The following ESRRG variants were observed in gnomAD, a reference collection of about 807,000 sequenced individuals.
ESRRG encodes the protein estrogen related receptor gamma.
A neutral mutation model predicts 44.0 loss-of-function variants in ESRRG; 13 were observed. The observed-to-expected ratio is 0.30, with a 90% confidence interval of 0.19 to 0.47. ESRRG has a LOEUF of 0.47. Ranked by LOEUF, ESRRG falls within the 20% of genes least tolerant of loss-of-function variation. The pLI is 1.00. For missense variants in ESRRG, 395 were observed against 580.6 expected (o/e 0.68, Z 3.29); for synonymous variants, 215 against 214.6 (o/e 1.00, Z -0.02).
At chr1:217,065,672 A>C (rs1336587513) in intron 1 of ESRRG, among the ~76,000 whole-genome samples, 4 of 152,230 alleles carry the variant, frequency 2.6e-5, no homozygotes, top group Non-Finnish European at 5.9e-5. Context: ...CCTGAAGACC[A>C]GTTCAGTCCC....
chr1:216,980,910 T>C (rs2073855745), intron 1 of ESRRG, among the ~76,000 whole-genome samples: 1 of 151,696 alleles, frequency 6.6e-6, no homozygotes, highest in African/African-American at 2.4e-5. Context: ...TTTCATATGC[T>C]CTTCTCTCAT....
At chr1:216,776,650 T>C (rs1389273839) in intron 2 of ESRRG, among the ~76,000 whole-genome samples, 1 of 152,148 alleles carries the variant, frequency 6.6e-6, no homozygotes, top group Non-Finnish European at 1.5e-5. Context: ...ATGGACAACA[T>C]TCCATAGAAC....
chr1:216,578,029 G>A (rs2062011292), intron 3 of ESRRG, among the ~76,000 whole-genome samples: 2 of 152,032 alleles, frequency 1.3e-5, no homozygotes, highest in South Asian at 4.1e-4. Flanking sequence ...AGATACCAAA[G>A]AGAGGCATGA....
At chr1:217,092,520 C>T (rs571260113), upstream of ESRRG, among the ~76,000 whole-genome samples, 3 of 152,240 alleles carry the variant, frequency 2.0e-5, no homozygotes, top group South Asian at 2.1e-4. Flanking sequence ...CCTGAGTGTT[C>T]GCCATCAAGC....
intron 2 of ESRRG, among the ~76,000 whole-genome samples, chr1:216,817,642 AT>A (rs1279378975): frequency 6.6e-6 from 1 of 152,158 alleles, no homozygotes; most frequent in African/African-American, 2.4e-5. Context: ...AATTTCATGC[AT>A]TTTTTATTTA....
chr1:217,133,635 C>T (rs4846817), intron 1 of ESRRG, among the ~76,000 whole-genome samples: 1,846 of 86,784 alleles, frequency 0.021, 45 homozygotes, highest in African/African-American at 0.033. Context: ...CTTTCTTTCT[C>T]TCTCTCTCTC....
At chr1:217,013,164 C>G (rs1316279430) in intron 1 of ESRRG, among the ~76,000 whole-genome samples, 1 of 152,246 alleles carries the variant, frequency 6.6e-6, no homozygotes, top group Non-Finnish European at 1.5e-5. Context: ...TCACATTCCT[C>G]TGTACTGGAG....
chr1:216,921,306 T>C (rs2061812205), intron 2 of ESRRG, among the ~76,000 whole-genome samples: 1 of 152,134 alleles, frequency 6.6e-6, no homozygotes, highest in Non-Finnish European at 1.5e-5. Context: ...TTAACTGAAC[T>C]TACTCTGCGC....
intron 1 of ESRRG, among the ~76,000 whole-genome samples, chr1:216,999,343 T>G (rs375812903): frequency 1.3e-5 from 2 of 152,156 alleles, no homozygotes; most frequent in East Asian, 3.8e-4. Flanking sequence ...GATACTTAAA[T>G]CAAAAGAGCC....
intron 2 of ESRRG, among the ~76,000 whole-genome samples, chr1:216,802,583 C>T (rs2094657399): frequency 6.6e-6 from 1 of 152,118 alleles, no homozygotes; most frequent in Non-Finnish European, 1.5e-5. Flanking sequence ...AAGATGGCAA[C>T]AGCAGAGTAG....
At chr1:216,826,168 C>T (rs1047805476) in intron 2 of ESRRG, among the ~76,000 whole-genome samples, 2 of 149,492 alleles carry the variant, frequency 1.3e-5, no homozygotes, top group African/African-American at 4.9e-5. Flanking sequence ...TCACTATGAA[C>T]CAAGCAAATT....
chr1:216,760,267 A>G (rs993464076), intron 2 of ESRRG, among the ~76,000 whole-genome samples: 2 of 38,814 alleles, frequency 5.2e-5, no homozygotes, highest in East Asian at 8.6e-4. Flanking sequence ...CAATAAAAAA[A>G]TCTCAAATTC....
At chr1:216,679,306 C>T (rs1019920277) in intron 1 of ESRRG, among the ~76,000 whole-genome samples, 40 of 152,142 alleles carry the variant, frequency 2.6e-4, no homozygotes, top group African/African-American at 9.7e-4. Flanking sequence ...ATTAATAGAT[C>T]GCTCTCCTTG....
At chr1:216,732,850 G>A (rs532244740) in intron 2 of ESRRG, among the ~76,000 whole-genome samples, 4 of 112,102 alleles carry the variant, frequency 3.6e-5, no homozygotes, top group South Asian at 3.1e-4. Flanking sequence ...AAAAAAAAAA[G>A]GGGGGGGAGG....
intron 5 of ESRRG, among the ~76,000 whole-genome samples, chr1:216,539,950 T>C (rs2052208510): frequency 6.6e-6 from 1 of 152,028 alleles, no homozygotes; most frequent in Non-Finnish European, 1.5e-5. Flanking sequence ...ACTTTAAATT[T>C]TAATTTTATT....
intron 3 of ESRRG, among the ~76,000 whole-genome samples, chr1:216,571,591 G>T (rs923706833): frequency 5.9e-5 from 9 of 152,048 alleles, no homozygotes; most frequent in African/African-American, 1.9e-4. Context: ...ATCTAAGGGG[G>T]TGCTGTCTTA....
chr1:216,937,765 T>C (rs1226373992), intron 2 of ESRRG, among the ~76,000 whole-genome samples: 1 of 152,176 alleles, frequency 6.6e-6, no homozygotes, highest in African/African-American at 2.4e-5. Flanking sequence ...GGAAAGAGCA[T>C]CGCTGGATTC....
At chr1:216,946,907 C>T (rs2066151381) in intron 1 of ESRRG, among the ~76,000 whole-genome samples, 1 of 151,920 alleles carries the variant, frequency 6.6e-6, no homozygotes, top group Non-Finnish European at 1.5e-5. Context: ...ACCATGTTGG[C>T]CAGGCTGGTC....
chr1:216,949,759 A>C (rs2150059365), intron 1 of ESRRG, among the ~76,000 whole-genome samples: 1 of 151,922 alleles, frequency 6.6e-6, no homozygotes, highest in South Asian at 2.1e-4. Flanking sequence ...CATCATTATC[A>C]TTTGATTATT....
Sources: allele counts gnomAD v4.1 joint callset (sites outside exome capture counted in the v4.1 genomes callset), GRCh38; gene constraint gnomAD v4.1.1; transcripts MANE v1.5; gene names NCBI Gene and HGNC (gene_info 2026-07-23, HGNC 2026-07-21).